ATRNL1: variants seen among roughly 807,000 people sequenced by gnomAD.
ATRNL1 encodes attractin like 1.
A neutral mutation model predicts 182.7 loss-of-function variants in ATRNL1; 95 were observed. The observed-to-expected ratio is 0.52, with a 90% CI of 0.44 to 0.62. ATRNL1 has a LOEUF of 0.62. Among genes scored for constraint, ATRNL1 ranks in the 20% least tolerant of loss-of-function variants. ATRNL1 has a pLI of 0.00. For missense variants in ATRNL1, 1,471 were observed against 1,679.5 expected, an observed-to-expected ratio of 0.88 and a Z score of 2.17; for synonymous variants, 576 against 568.3, an observed-to-expected ratio of 1.01 and a Z score of -0.19.
At chr10:115,278,045 G>A (rs901258146) in intron 13 of ATRNL1, among the ~76,000 whole-genome samples, 6 of 152,130 alleles carry the variant, frequency 3.9e-5, no homozygotes, top group African/African-American at 1.4e-4. Flanking sequence ...TTTTGATAAA[G>A]CATCTTTTTA....
chr10:115,376,757 C>T (rs782512244), intron 19 of ATRNL1, among the ~76,000 whole-genome samples: 4 of 152,080 alleles, frequency 2.6e-5, no homozygotes, highest in Non-Finnish European at 5.9e-5. Flanking sequence ...ATGTCTGTAA[C>T]CTTCCCAATA....
intron 8 of ATRNL1, among the ~76,000 whole-genome samples, chr10:115,195,656 A>G (rs1436781350): frequency 2.6e-5 from 4 of 152,026 alleles, no homozygotes; most frequent in Non-Finnish European, 1.5e-5. Context: ...CTGGATATTT[A>G]TATCTTTCTA....
chr10:115,611,217 A>G (rs1857140481), intron 26 of ATRNL1, among the ~76,000 whole-genome samples: 1 of 152,102 alleles, frequency 6.6e-6, no homozygotes, highest in South Asian at 2.1e-4. Context: ...AATAAGGTAA[A>G]TCATAAGAAA....
intron 26 of ATRNL1, among the ~76,000 whole-genome samples, chr10:115,686,378 A>G (rs1292525625): frequency 6.6e-6 from 1 of 151,970 alleles, no homozygotes; most frequent in Non-Finnish European, 1.5e-5. Flanking sequence ...AGCTACACCT[A>G]CTTAGAAACC....
rs896228213 is a variant in ATRNL1 at position 115,607,519 on chromosome 10, A to G, written c.3795+57983A>G. Among the ~76,000 whole-genome samples the G allele has an allele frequency of 2.0e-5, 3 of 151,820 alleles. No individual in the cohort carries two copies. In the East Asian group the frequency reaches 5.8e-4, roughly 29 times the overall value. ...CACAAGCAATAGTTATTTTTGCCCTAATACCAATTCTATATGGTAGAGACT... is the reference window on the plus strand; with the variant it reads ...CACAAGCAATAGTTATTTTTGCCCTGATACCAATTCTATATGGTAGAGACT... On this transcript the variant is annotated intron_variant, in intron 26 of 28. Transcript: ENST00000355044.
At chr10:115,098,177 A>G (rs1267480376) in intron 1 of ATRNL1, among the ~76,000 whole-genome samples, 1 of 152,130 alleles carries the variant, frequency 6.6e-6, no homozygotes, top group Non-Finnish European at 1.5e-5. Context: ...ATTTAAATTG[A>G]GTGTTTCTTA....
intron 28 of ATRNL1, among the ~76,000 whole-genome samples, chr10:115,935,366 G>GT (rs1193968017): frequency 4.6e-5 from 7 of 152,208 alleles, no homozygotes; most frequent in African/African-American, 1.4e-4. Flanking sequence ...ATCAATCATA[G>GT]TTTTTTTGTA....
At chr10:115,728,137 A>G (rs1245710435) in intron 27 of ATRNL1, among the ~76,000 whole-genome samples, 1 of 148,708 alleles carries the variant, frequency 6.7e-6, no homozygotes, top group Admixed American at 6.7e-5. Context: ...AGAAAAAAAA[A>G]AAAAAAAATT....
intron 9 of ATRNL1, among the ~76,000 whole-genome samples, chr10:115,227,190 T>C (rs1202839823): frequency 6.6e-6 from 1 of 152,098 alleles, no homozygotes; most frequent in Non-Finnish European, 1.5e-5. Flanking sequence ...AGAGGCCTAA[T>C]ATCCGGAATC....
intron 24 of ATRNL1, among the ~76,000 whole-genome samples, chr10:115,516,579 T>G (rs1225839835): frequency 6.6e-6 from 1 of 151,882 alleles, no homozygotes; most frequent in East Asian, 1.9e-4. Flanking sequence ...GCTCAAAACT[T>G]TCCATGGGTT....
At chr10:115,809,002 C>G (rs936456721) in intron 27 of ATRNL1, among the ~76,000 whole-genome samples, 1 of 151,940 alleles carries the variant, frequency 6.6e-6, no homozygotes, top group Admixed American at 6.6e-5. Context: ...TATTTTGGCA[C>G]ATGTTTTGTT....
intron 5 of ATRNL1, among the ~76,000 whole-genome samples, chr10:115,157,515 A>G (rs942692712): frequency 6.6e-6 from 1 of 152,064 alleles, no homozygotes; most frequent in Admixed American, 6.6e-5. Flanking sequence ...AGATTGGGCT[A>G]CAGACCTATA....
intron 26 of ATRNL1, among the ~76,000 whole-genome samples, chr10:115,602,571 A>G (rs1229739583): frequency 1.3e-5 from 2 of 152,144 alleles, no homozygotes; most frequent in African/African-American, 4.8e-5. Flanking sequence ...CTCACTTGAA[A>G]TAGCAATCAT....
chr10:115,546,053 T>A (rs181564753), intron 25 of ATRNL1, among the ~76,000 whole-genome samples: 1 of 152,192 alleles, frequency 6.6e-6, no homozygotes, highest in African/African-American at 2.4e-5. Flanking sequence ...AGGTAATTCA[T>A]GTAAAACACT....
At chr10:115,799,111 C>T (rs1366698865) in intron 27 of ATRNL1, among the ~76,000 whole-genome samples, 2 of 152,182 alleles carry the variant, frequency 1.3e-5, no homozygotes, top group Admixed American at 6.5e-5. Flanking sequence ...AGGCGTGAGA[C>T]ACCAGTAATA....
chr10:115,508,423 T>C (rs557460079), intron 24 of ATRNL1, among the ~76,000 whole-genome samples: 5 of 152,032 alleles, frequency 3.3e-5, no homozygotes, highest in Admixed American at 6.6e-5. Context: ...AAATGCTACA[T>C]GTGATTAAGC....
At chr10:115,532,740 C>T (rs1240377686) in intron 25 of ATRNL1, among the ~76,000 whole-genome samples, 1 of 151,136 alleles carries the variant, frequency 6.6e-6, no homozygotes, top group African/African-American at 2.4e-5. Context: ...TTTGCCCATT[C>T]AGTATGATAT....
intron 17 of ATRNL1, among the ~76,000 whole-genome samples, chr10:115,309,599 A>G (rs1459321144): frequency 2.6e-5 from 4 of 152,084 alleles, no homozygotes; most frequent in African/African-American, 4.8e-5. Flanking sequence ...TAGCAGTGCT[A>G]CTGATCAGTG....
intron 26 of ATRNL1, among the ~76,000 whole-genome samples, chr10:115,706,860 T>C (rs1946915497): frequency 6.6e-6 from 1 of 151,928 alleles, no homozygotes; most frequent in Non-Finnish European, 1.5e-5. Flanking sequence ...TGAGCTACTT[T>C]AATGGCTTCT....
Sources: allele counts gnomAD v4.1 joint callset (sites outside exome capture counted in the v4.1 genomes callset), GRCh38; gene constraint gnomAD v4.1.1; transcripts MANE v1.5; gene names NCBI Gene and HGNC (gene_info 2026-07-23, HGNC 2026-07-21).